Variants in DNMT3A observed in about 807,000 individuals in gnomAD.
DNMT3A encodes the protein DNA (cytosine-5)-methyltransferase 3A.
In DNMT3A, 267 loss-of-function variants were observed where a neutral mutation model predicts 117.6. The ratio of observed to expected loss-of-function variants is 2.27; its 90% CI spans 2.05 to 2.51. DNMT3A has a LOEUF of 2.51. Ranked by LOEUF, DNMT3A falls within the 30% of genes most tolerant of loss-of-function variation. The probability of loss-of-function intolerance (pLI) is 0.00; values close to 1 mark genes in which losing one functional copy is unlikely to be tolerated. For missense variants in DNMT3A, 1,029 were observed against 1,260.2 expected (o/e 0.82, Z 2.78); for synonymous variants, 432 against 474.8 (o/e 0.91, Z 1.17).
intron 3 of DNMT3A, among the ~76,000 whole-genome samples, chr2:25,287,922 C>T (rs1044037689): frequency 3.3e-5 from 5 of 151,778 alleles, no homozygotes; most frequent in African/African-American, 9.7e-5. Context: ...ACAACCTCCA[C>T]CTCCTGGGTT....
chr2:25,338,419 TC>T (rs1278898474), intron 1 of DNMT3A, among the ~76,000 whole-genome samples: 2 of 151,900 alleles, frequency 1.3e-5, no homozygotes, highest in Non-Finnish European at 2.9e-5. Context: ...CTTGGGGGAG[TC>T]TGGCTCTTGC....
chr2:25,249,707 C>T (rs752707898), intron 6 of DNMT3A: 1 of 1,614,236 alleles, frequency 6.2e-7, no homozygotes, highest in South Asian at 1.1e-5. Flanking sequence ...TTCCTTCTCA[C>T]AACCCGCTCC....
intron 10 of DNMT3A, 77 bp from the exon 11 acceptor site, chr2:25,246,386 A>G (rs750139441): frequency 6.6e-7 from 1 of 1,514,524 alleles, no homozygotes; most frequent in African/African-American, 1.4e-5. Flanking sequence ...CCCTCCTTAC[A>G]GTGGGGTGCG....
chr2:25,328,706 C>A (rs1424879543), intron 1 of DNMT3A: 2 of 514,964 alleles, frequency 3.9e-6, no homozygotes, highest in South Asian at 1.5e-5. Context: ...GTGCCTAGAG[C>A]GACCCCCCAC....
In DNMT3A at chr2:25,232,123, T is replaced by C. The variant is rs2149247807; in HGVS notation, c.*2156A>G. ...ATAATATTTCTTAAACATGACCCTA[T>C]CTATGTATTTATAGAGCGCCTATCA... On this transcript the variant is annotated 3_prime_UTR_variant, in exon 23 of 23. Transcript: ENST00000321117. The surrounding 1 kb of genome is among the most constrained non-coding windows in gnomAD (Gnocchi z 4.1). 1 of 152,210 alleles carries C rather than the reference T, an allele frequency of 6.6e-6. No homozygotes were observed. The highest frequency in any genetic ancestry group is 2.1e-4 in the South Asian group (1 of 4,818). 9.4% of individuals were successfully genotyped at this position (152,210 alleles called of 1,614,324 possible).
rs370146742 is a variant in DNMT3A at position 25,250,994 on chromosome 2, T to C, written c.640-2742A>G. On this transcript the variant is annotated intron_variant, in intron 6 of 22. Coordinates refer to ENST00000321117, the MANE Select transcript of DNMT3A (RefSeq NM_022552.5). Reference sequence around the variant, plus strand: ...ACAGCGAGTTCCTGAACATTCTTCTTCCCCCACAACTTCCCCCAGCTTGTC... The same window carrying C: ...ACAGCGAGTTCCTGAACATTCTTCTCCCCCCACAACTTCCCCCAGCTTGTC... 6.0e-5 allele frequency among the ~76,000 whole-genome samples: 9 copies of C among 150,210 alleles called. No individual in the cohort carries two copies. The South Asian group carries it at 1.7e-3, about 28-fold the overall frequency.
At chr2:25,245,113 C>T in intron 13 of DNMT3A, 140 bp downstream of exon 13, 1 of 742,048 alleles carries the variant, frequency 1.3e-6, no homozygotes, top group East Asian at 2.6e-5. Flanking sequence ...CAGGACTCTG[C>T]TTCCAGAGGA....
rs116548800 is a variant in DNMT3A, at chr2:25,279,857, T to G, written c.448+2584A>C. ...ATGCACCACCAAGCTCGACTAATTT[T>G]TTTTTGTATTTTTAGTAGAGACAAG... On this transcript the variant is annotated intron_variant, in intron 4 of 22. Transcript: ENST00000321117. Among the ~76,000 whole-genome samples, 1,203 of 152,164 alleles carry G rather than the reference T, an allele frequency of 7.9e-3. 14 individuals carry two copies. The highest frequency in any genetic ancestry group is 0.026 in the African/African-American group (1,085 of 41,508).
intron 4 of DNMT3A, among the ~76,000 whole-genome samples, chr2:25,277,309 C>G (rs903884492): frequency 1.3e-5 from 2 of 152,210 alleles, no homozygotes; most frequent in Non-Finnish European, 2.9e-5. Flanking sequence ...GGGCCCCCTC[C>G]AGCCTGTCCG....
At chr2:25,315,579 A>T (rs115255501) in intron 1 of DNMT3A, among the ~76,000 whole-genome samples, 1,877 of 152,320 alleles carry the variant, frequency 0.012, 19 homozygotes, top group Non-Finnish European at 0.019. Flanking sequence ...CATCGGCCAC[A>T]TGCCACTCAG....
chr2:25,261,498 T>C (rs889537344), intron 6 of DNMT3A, among the ~76,000 whole-genome samples: 10 of 139,864 alleles, frequency 7.1e-5, no homozygotes, highest in Non-Finnish European at 1.2e-4. Flanking sequence ...TCCCAGCTAC[T>C]TGGGAGGCTG....
At chr2:25,259,092 T>A (rs576798905) in intron 6 of DNMT3A, among the ~76,000 whole-genome samples, 1 of 152,366 alleles carries the variant, frequency 6.6e-6, no homozygotes, top group East Asian at 1.9e-4. Context: ...TAATGGTGTA[T>A]GCTGGGAAGT....
At position 25,240,749 on chromosome 2, in the gene DNMT3A, C is replaced by T. The variant is rs770979875; in HGVS notation, c.2083-19G>A. On this transcript the variant is annotated intron_variant, in intron 17 of 22. Coordinates refer to ENST00000321117, the MANE Select transcript of DNMT3A (RefSeq NM_022552.5). ...CCTGGATCTGGGAGGATAAAGGCAA[C>T]GTGATGGGCCTGCTGTCCAGGGACA... 1.4e-5 allele frequency: 23 copies of T among 1,610,774 alleles called. No homozygotes were observed. The highest frequency in any genetic ancestry group is 6.6e-5 in the South Asian group (6 of 91,014).
chr2:25,321,168 G>C (rs1009191316), intron 1 of DNMT3A, among the ~76,000 whole-genome samples: 1 of 151,034 alleles, frequency 6.6e-6, no homozygotes, highest in Non-Finnish European at 1.5e-5. Flanking sequence ...CTGCAAGTCA[G>C]TAGTAAAAAA....
intron 6 of DNMT3A, among the ~76,000 whole-genome samples, chr2:25,250,782 G>A (rs1160249619): frequency 6.6e-6 from 1 of 152,206 alleles, no homozygotes; most frequent in Non-Finnish European, 1.5e-5. Context: ...CAGGCGTGGC[G>A]AGGCCCCTGA....
At chr2:25,332,449 G>A (rs1353125974) in intron 1 of DNMT3A, among the ~76,000 whole-genome samples, 1 of 152,246 alleles carries the variant, frequency 6.6e-6, no homozygotes, top group Non-Finnish European at 1.5e-5. Context: ...CGCCCTGCCA[G>A]ACCCCACCTA....
rs563608150 is a variant in DNMT3A at position 25,326,106 on chromosome 2, A to G, written c.-177-11945T>C. Among the ~76,000 whole-genome samples, 491 of 103,304 alleles carry G rather than the reference A, an allele frequency of 4.8e-3. 2 individuals are homozygous for G. The highest frequency in any genetic ancestry group is 0.02 in the African/African-American group (462 of 22,902). 67.8% of individuals were successfully genotyped at this position (103,304 alleles called of 152,430 possible). A position where few individuals can be genotyped will look rare whatever the true frequency, so the allele number is the denominator to read the frequency against. ...TGCACATTTTCTATTAACTTGATAT[A>G]TATGTGTGTGTGTGTGTGTGTGTGT... On this transcript the variant is annotated intron_variant, in intron 1 of 22. Coordinates refer to ENST00000321117, the MANE Select transcript of DNMT3A (RefSeq NM_022552.5).
chr2:25,262,996 T>C (rs1676742667), intron 6 of DNMT3A, among the ~76,000 whole-genome samples: 1 of 152,234 alleles, frequency 6.6e-6, no homozygotes, highest in Non-Finnish European at 1.5e-5. Context: ...TATCTCACTC[T>C]GTCACCCAGG....
intron 1 of DNMT3A, among the ~76,000 whole-genome samples, chr2:25,335,623 C>T (rs905712182): frequency 7.9e-5 from 12 of 152,188 alleles, no homozygotes; most frequent in African/African-American, 2.9e-4. Flanking sequence ...CTGCACTGAG[C>T]CCCCCTCCCC....
Sources: gnomAD v4.1 joint callset for allele counts (sites outside exome capture counted in the v4.1 genomes callset) on GRCh38, gnomAD v4.1.1 for gene constraint, Gnocchi (gnomAD v3.1) non-coding constraint, MANE v1.5 for transcripts, NCBI Gene and HGNC (gene_info 2026-07-23, HGNC 2026-07-21) for gene names.